NOL4L: variants seen among roughly 807,000 people sequenced by gnomAD.
NOL4L encodes the protein nucleolar protein 4 like.
A neutral mutation model predicts 64.5 loss-of-function variants in NOL4L; 7 were observed. The ratio of observed to expected loss-of-function variants is 0.11; its 90% CI spans 0.06 to 0.20. The LOEUF is 0.20. NOL4L is among the 10% of genes least tolerant of loss of function. The probability of loss-of-function intolerance (pLI) is 1.00; values close to 1 mark genes in which losing one functional copy is unlikely to be tolerated. For synonymous variants in NOL4L, 413 were observed against 401.0 expected (o/e 1.03, Z -0.36); for missense variants, 680 against 967.1 (o/e 0.70, Z 3.94).
intron 1 of NOL4L, among the ~76,000 whole-genome samples, chr20:32,532,994 T>C (rs914207088): frequency 1.3e-5 from 2 of 152,142 alleles, no homozygotes; most frequent in African/African-American, 4.8e-5. Flanking sequence ...GTTTTAAAAA[T>C]TTATGGAGAA....
chr20:32,508,753 G>C (rs1211052336), intron 4 of NOL4L, among the ~76,000 whole-genome samples: 2 of 152,208 alleles, frequency 1.3e-5, no homozygotes, highest in East Asian at 1.9e-4. Context: ...GCCCTCCACA[G>C]TCCTTTCTTC....
intron 5 of NOL4L, among the ~76,000 whole-genome samples, chr20:32,470,684 C>T (rs992388786): frequency 1.3e-5 from 2 of 152,258 alleles, no homozygotes; most frequent in South Asian, 2.1e-4. Flanking sequence ...GGGGCTTGGC[C>T]GAGGGTCTTT....
At chr20:32,521,684 G>C (rs1022016003) in intron 2 of NOL4L, among the ~76,000 whole-genome samples, 1 of 152,168 alleles carries the variant, frequency 6.6e-6, no homozygotes, top group African/African-American at 2.4e-5. Flanking sequence ...GGGCTGGGTG[G>C]GGGAGTGGGG....
At chr20:32,490,769 A>G (rs1257093230) in intron 4 of NOL4L, among the ~76,000 whole-genome samples, 1 of 152,216 alleles carries the variant, frequency 6.6e-6, no homozygotes, top group Non-Finnish European at 1.5e-5. Context: ...CCTTTTCAAA[A>G]AGTCTTGCTT....
intron 1 of NOL4L, among the ~76,000 whole-genome samples, chr20:32,581,201 A>G (rs932073393): frequency 6.6e-6 from 1 of 152,058 alleles, no homozygotes; most frequent in African/African-American, 2.4e-5. Flanking sequence ...ACTTCCTGTG[A>G]CAACCTGCAA....
intron 4 of NOL4L, among the ~76,000 whole-genome samples, chr20:32,498,766 T>TAAA (rs34083852): frequency 0.022 from 2,133 of 98,894 alleles, 66 homozygotes; most frequent in African/African-American, 0.061. Flanking sequence ...CCTGTCTCAA[T>TAAA]AAAAAAAAAA....
intron 4 of NOL4L, among the ~76,000 whole-genome samples, chr20:32,493,020 C>T (rs2016528369): frequency 6.6e-6 from 1 of 152,198 alleles, no homozygotes; most frequent in Admixed American, 6.5e-5. Flanking sequence ...TCAGATGCAG[C>T]CAGAGATTTC....
chr20:32,488,867 CTTTCTTTCTTTCT>C (rs1568649430), intron 4 of NOL4L, among the ~76,000 whole-genome samples: 1,960 of 82,394 alleles, frequency 0.024, 73 homozygotes, highest in African/African-American at 0.069. Flanking sequence ...TTCTTTCTTT[CTTTCTTTCTTTCT>C]TTCTTTCTTT....
intron 1 of NOL4L, among the ~76,000 whole-genome samples, chr20:32,547,694 C>T (rs560967977): frequency 1.6e-4 from 24 of 152,242 alleles, no homozygotes; most frequent in Middle Eastern, 3.4e-3. Context: ...ACATGCTGGG[C>T]AGGACTGCAA....
At chr20:32,467,051 C>G (rs1470513593) in intron 5 of NOL4L, among the ~76,000 whole-genome samples, 1 of 152,114 alleles carries the variant, frequency 6.6e-6, no homozygotes, top group African/African-American at 2.4e-5. Context: ...GTCTCTGAGC[C>G]CGGGTGGCCT....
chr20:32,478,273 A>ACACACACTCT (rs1373957221), intron 4 of NOL4L, among the ~76,000 whole-genome samples: 7 of 143,432 alleles, frequency 4.9e-5, no homozygotes, highest in African/African-American at 1.8e-4. Context: ...ACACACACAC[A>ACACACACTCT]CTCTCTCTCT....
chr20:32,559,907 G>GC (rs1170305866), intron 1 of NOL4L, among the ~76,000 whole-genome samples: 3 of 152,224 alleles, frequency 2.0e-5, no homozygotes, highest in Non-Finnish European at 4.4e-5. Context: ...TCCCTGAGCC[G>GC]CCAGCAGGCC....
At chr20:32,511,495 G>T in intron 3 of NOL4L, 39 bp from the exon 4 acceptor site, 1 of 1,427,388 alleles carries the variant, frequency 7.0e-7, no homozygotes, top group Non-Finnish European at 9.6e-7. Flanking sequence ...TTCAGTCTGT[G>T]CTGCGGGCCT....
intron 4 of NOL4L, among the ~76,000 whole-genome samples, chr20:32,491,972 A>T (rs1004895543): frequency 2.6e-5 from 4 of 152,180 alleles, no homozygotes; most frequent in Non-Finnish European, 5.9e-5. Context: ...TTAGCTGTGC[A>T]TGATGGCATG....
At chr20:32,509,796 G>A in intron 4 of NOL4L, 1 of 1,302,964 alleles carries the variant, frequency 7.7e-7, no homozygotes. Context: ...TGGTGACCTG[G>A]ATTTAGTGCC....
intron 2 of NOL4L, among the ~76,000 whole-genome samples, chr20:32,526,225 T>C (rs1293787818): frequency 6.6e-6 from 1 of 152,188 alleles, no homozygotes; most frequent in Non-Finnish European, 1.5e-5. Context: ...AAATGTGGTC[T>C]TGTCAGTGCC....
chr20:32,452,476 G>A (rs199635019), intron 9 of NOL4L, 39 bp from the exon 10 acceptor site: 2 of 1,510,206 alleles, frequency 1.3e-6, no homozygotes, highest in Admixed American at 4.2e-5. Flanking sequence ...AAACCAAGGG[G>A]CAGCTGGCCC....
chr20:32,453,371 C>T lies in NOL4L; in HGVS notation c.1430G>A (p.Arg477Gln). The T allele has an allele frequency of 6.2e-7, 1 of 1,614,068 alleles. No individual in the cohort carries two copies. Among genetic ancestry groups the T allele is most frequent in the Non-Finnish European group, 8.5e-7 (1 of 1,179,994 alleles). ...CSRQFPEFQE[R>Q]ARKRIRTYLK... ...GTACGTGCGGATGCGCTTGCGGGCC[C>T]GCTCCTGGAACTCAGGGAACTGCCG... Residue 477 changes from arginine to glutamine, a missense_variant, in exon 8 of 11, where the codon CGG becomes CAG. Around this residue, in one of 4 missense-constraint regions of NOL4L, gnomAD observed 70 missense variants for 166.1 expected, o/e 0.42. Coordinates refer to ENST00000621426, the MANE Select transcript of NOL4L (RefSeq NM_001256798.2). The surrounding 1 kb of genome is among the most constrained non-coding windows in gnomAD (Gnocchi z 5.6).
rs1039547795 is a variant in NOL4L, at chr20:32,518,144, G to A, written c.589+2667C>T. Among the ~76,000 whole-genome samples, 4 of 152,288 alleles carry A rather than the reference G, an allele frequency of 2.6e-5. No homozygotes were observed. The East Asian group carries it at 5.8e-4, about 22-fold the overall frequency. On this transcript the variant is annotated intron_variant, in intron 3 of 10. Transcript: ENST00000621426. ...TTCCCCGGGCTCCTGCTCCCTCAGC[G>A]TCTTCTCCTCTCCCTGCGAGGAGAA...
Sources: allele counts gnomAD v4.1 joint callset (sites outside exome capture counted in the v4.1 genomes callset), GRCh38; gene constraint gnomAD v4.1.1; regional missense constraint gnomAD v4.1.1; non-coding constraint Gnocchi (gnomAD v3.1); transcripts MANE v1.5; gene names NCBI Gene and HGNC (gene_info 2026-07-23, HGNC 2026-07-21).